Variants in RANBP17 observed in about 807,000 individuals in gnomAD.
RANBP17 encodes ran-binding protein 17.
A neutral mutation model predicts 141.2 loss-of-function variants in RANBP17; 158 were observed. The ratio of observed to expected loss-of-function variants is 1.12; its 90% confidence interval spans 0.98 to 1.28. RANBP17 has a LOEUF of 1.28. Ranked by LOEUF, RANBP17 falls within the 50% of genes most tolerant of loss-of-function variation. RANBP17 has a pLI of 0.00. For missense variants in RANBP17, 1,438 were observed against 1,290.7 expected, an observed-to-expected ratio of 1.11 and a Z score of -1.75; for synonymous variants, 430 against 450.0, an observed-to-expected ratio of 0.96 and a Z score of 0.56.
intron 14 of RANBP17, among the ~76,000 whole-genome samples, chr5:171,042,899 G>A (rs994119854): frequency 6.6e-6 from 1 of 152,050 alleles, no homozygotes; most frequent in Non-Finnish European, 1.5e-5. Context: ...ATTTCATAAA[G>A]TATTTTCTGC....
chr5:171,293,072 A>G (rs1045207203), intron 25 of RANBP17, among the ~76,000 whole-genome samples: 4 of 152,172 alleles, frequency 2.6e-5, no homozygotes, highest in Admixed American at 6.5e-5. Flanking sequence ...CTTAGAACAC[A>G]TTTATAATGA....
intron 14 of RANBP17, among the ~76,000 whole-genome samples, chr5:171,136,385 T>C (rs1487554844): frequency 6.6e-6 from 1 of 152,122 alleles, no homozygotes; most frequent in East Asian, 1.9e-4. Context: ...AAAATTTTCA[T>C]TTTACTCGGA....
chr5:171,055,570 C>T (rs1212063071), intron 14 of RANBP17, among the ~76,000 whole-genome samples: 2 of 152,000 alleles, frequency 1.3e-5, no homozygotes, highest in African/African-American at 2.4e-5. Flanking sequence ...GAATCTCAAA[C>T]AAGACTTTTT....
chr5:171,232,622 C>T (rs1488170372), intron 22 of RANBP17, among the ~76,000 whole-genome samples: 1 of 151,912 alleles, frequency 6.6e-6, no homozygotes, highest in African/African-American at 2.4e-5. Context: ...AAAAGAAAAC[C>T]CCCCCATTCA....
At chr5:171,261,314 A>G (rs913148022) in intron 24 of RANBP17, among the ~76,000 whole-genome samples, 2 of 152,302 alleles carry the variant, frequency 1.3e-5, no homozygotes, top group South Asian at 2.1e-4. Flanking sequence ...GAAGTCAAGC[A>G]TCTAGGAAAT....
At chr5:171,291,032 G>A (rs1166155737) in intron 25 of RANBP17, among the ~76,000 whole-genome samples, 1 of 152,210 alleles carries the variant, frequency 6.6e-6, no homozygotes, top group African/African-American at 2.4e-5. Context: ...CAAGTTAAGT[G>A]GCAGGGCCAG....
intron 14 of RANBP17, among the ~76,000 whole-genome samples, chr5:171,070,719 C>T (rs1216394238): frequency 6.6e-6 from 1 of 151,476 alleles, no homozygotes; most frequent in Non-Finnish European, 1.5e-5. Flanking sequence ...TCCTGTTTGC[C>T]TTCCCCTCCT....
chr5:170,909,908 A>G lies in RANBP17; in HGVS notation c.594+143A>G. ...AGACTTAAGTATAGTAAATTTGCAT[A>G]AGTCTGTAAGCAGTTCCAAAAAATT... is the stretch of plus-strand genomic sequence containing the variant. On this transcript the variant is annotated intron_variant, in intron 6 of 27. Transcript: ENST00000523189. The G allele has an allele frequency of 5.5e-6, 3 of 544,860 alleles. No individual in the cohort carries two copies. In the South Asian group the frequency reaches 7.4e-5, roughly 14 times the overall value. 33.8% of individuals were successfully genotyped at this position (544,860 alleles called of 1,614,324 possible). A position where few individuals can be genotyped will look rare whatever the true frequency, so the allele number is the denominator to read the frequency against.
intron 14 of RANBP17, among the ~76,000 whole-genome samples, chr5:171,094,617 C>A (rs1581621870): frequency 6.6e-6 from 1 of 152,130 alleles, no homozygotes; most frequent in Non-Finnish European, 1.5e-5. Flanking sequence ...ATGCTCTTAA[C>A]TTTTTACTAT....
chr5:171,199,797 G>C (rs1288736443), intron 19 of RANBP17, 24 bp downstream of exon 19: 2 of 1,442,180 alleles, frequency 1.4e-6, no homozygotes, highest in African/African-American at 2.8e-5. Flanking sequence ...CAAATATGAG[G>C]AATGACAGTT....
chr5:171,053,116 G>T (rs1050036585), intron 14 of RANBP17, among the ~76,000 whole-genome samples: 1 of 152,050 alleles, frequency 6.6e-6, no homozygotes, highest in Non-Finnish European at 1.5e-5. Flanking sequence ...CACCGTGCCC[G>T]GCCATGTCTT....
At chr5:170,990,110 C>T (rs149737086) in intron 14 of RANBP17, among the ~76,000 whole-genome samples, 1 of 151,788 alleles carries the variant, frequency 6.6e-6, no homozygotes, top group East Asian at 1.9e-4. Flanking sequence ...TACTTTTAAG[C>T]AACAATTTAA....
intron 24 of RANBP17, among the ~76,000 whole-genome samples, chr5:171,243,753 T>C (rs1045911246): frequency 2.0e-5 from 3 of 152,162 alleles, no homozygotes; most frequent in African/African-American, 4.8e-5. Flanking sequence ...ACTAATCTTT[T>C]CTTCTGTGAT....
In RANBP17 at chr5:171,205,519, G is replaced by A. The variant is rs755031329; in HGVS notation, c.2143-5G>A. Reference sequence around the variant, plus strand: ...TCAATTACTGTGTCTCTTTCCCACTGACAGCGTATGTTGATCGGGCTGGCA... The same window carrying A: ...TCAATTACTGTGTCTCTTTCCCACTAACAGCGTATGTTGATCGGGCTGGCA... On this transcript the variant is annotated splice_polypyrimidine_tract_variant and splice_region_variant and intron_variant, in intron 19 of 27. Coordinates refer to ENST00000523189, the MANE Select transcript of RANBP17 (RefSeq NM_022897.5). 1 of 1,613,036 alleles carries A rather than the reference G, an allele frequency of 6.2e-7. No individual in the cohort carries two copies. The highest frequency in any genetic ancestry group is 1.1e-5 in the South Asian group (1 of 91,038).
chr5:171,280,683 A>C (rs1377668652), intron 25 of RANBP17, among the ~76,000 whole-genome samples: 1 of 152,236 alleles, frequency 6.6e-6, no homozygotes, highest in Non-Finnish European at 1.5e-5. Context: ...TATTTGAAGA[A>C]CAAGGTAAAA....
intron 14 of RANBP17, among the ~76,000 whole-genome samples, chr5:171,119,263 T>C (rs1244620020): frequency 1.3e-5 from 2 of 152,232 alleles, no homozygotes; most frequent in East Asian, 3.8e-4. Flanking sequence ...TTTCATGTGC[T>C]ATTTGATTCA....
At chr5:171,123,384 CA>C (rs1179661216) in intron 14 of RANBP17, among the ~76,000 whole-genome samples, 1 of 152,242 alleles carries the variant, frequency 6.6e-6, no homozygotes, top group African/African-American at 2.4e-5. Flanking sequence ...TACCAAGACC[CA>C]GCTCACCCAA....
chr5:170,985,088 C>T (rs1426105709), intron 14 of RANBP17, among the ~76,000 whole-genome samples: 1 of 151,118 alleles, frequency 6.6e-6, no homozygotes, highest in Non-Finnish European at 1.5e-5. Flanking sequence ...GGCACACACA[C>T]ACGCAGAACC....
chr5:171,106,766 A>T (rs1339570571), intron 14 of RANBP17, among the ~76,000 whole-genome samples: 2 of 152,304 alleles, frequency 1.3e-5, no homozygotes, highest in African/African-American at 4.8e-5. Flanking sequence ...TTGCTGTAAA[A>T]TGTCCCAATG....
Sources: allele counts gnomAD v4.1 joint callset (sites outside exome capture counted in the v4.1 genomes callset), GRCh38; gene constraint gnomAD v4.1.1; transcripts MANE v1.5; gene names NCBI Gene and HGNC (gene_info 2026-07-23, HGNC 2026-07-21).